ADGRF1: variants seen among roughly 807,000 people sequenced by gnomAD.
ADGRF1 encodes the protein G protein-coupled receptor 110.
Under a neutral mutation model 87.2 loss-of-function variants are expected in ADGRF1, and 85 were observed. That is an observed-to-expected ratio of 0.97 (90% confidence interval 0.82 to 1.17). The LOEUF is 1.17. Ranked by LOEUF, ADGRF1 falls within the 50% of genes most tolerant of loss-of-function variation. The probability of loss-of-function intolerance (pLI) is 0.00; values close to 1 mark genes in which losing one functional copy is unlikely to be tolerated. For missense variants in ADGRF1, 1,169 were observed against 1,077.2 expected (o/e 1.09, Z -1.19); for synonymous variants, 430 against 408.8 (o/e 1.05, Z -0.63).
At chr6:47,027,934 G>A (rs1178067881) in intron 2 of ADGRF1, among the ~76,000 whole-genome samples, 173 bp from the exon 3 acceptor site, 1 of 152,140 alleles carries the variant, frequency 6.6e-6, no homozygotes, top group South Asian at 2.1e-4. Context: ...AACACCTGAA[G>A]AGTAAGAATA....
At chr6:47,008,727 C>T (rs1779601479) in intron 11 of ADGRF1, among the ~76,000 whole-genome samples, 1 of 152,194 alleles carries the variant, frequency 6.6e-6, no homozygotes, top group Admixed American at 6.5e-5. Flanking sequence ...ATTTAAAGCC[C>T]TGTAGTGGGT....
At chr6:47,033,328 G>A (rs1780489545) in intron 1 of ADGRF1, among the ~76,000 whole-genome samples, 1 of 152,220 alleles carries the variant, frequency 6.6e-6, no homozygotes, top group Admixed American at 6.5e-5. Context: ...CTCTGGAGAG[G>A]GCTGGCTGTT....
chr6:47,029,550 G>T (rs1780347046), intron 1 of ADGRF1, among the ~76,000 whole-genome samples: 1 of 152,076 alleles, frequency 6.6e-6, no homozygotes, highest in Non-Finnish European at 1.5e-5. Context: ...AATCAATCCA[G>T]AAAATTTCCT....
At chr6:47,007,660 G>A (rs915473406) in intron 11 of ADGRF1, among the ~76,000 whole-genome samples, 6 of 152,154 alleles carry the variant, frequency 3.9e-5, no homozygotes, top group Non-Finnish European at 5.9e-5. Flanking sequence ...CATCTATGAC[G>A]GCAGCAGGCA....
intron 7 of ADGRF1, chr6:47,018,569 G>A: frequency 4.7e-6 from 6 of 1,289,234 alleles, no homozygotes; most frequent in Non-Finnish European, 5.1e-6. Flanking sequence ...AGGTTCCACA[G>A]GTGTATAACT....
At position 47,028,973 on chromosome 6, in the gene ADGRF1, G is replaced by C; in HGVS notation, c.69+20C>G. The stretch of plus-strand genomic sequence containing the variant: ...AGGAGAGTTAGTTGAGAAGAGATAT[G>C]AGACATAGCACCAACTCACCCCCAG... On this transcript the variant is annotated intron_variant, in intron 2 of 14. Coordinates refer to ENST00000371253, the MANE Select transcript of ADGRF1 (RefSeq NM_153840.4). 6.2e-7 allele frequency: 1 copy of C among 1,603,680 alleles called. No homozygotes were observed. Among genetic ancestry groups the C allele is most frequent in the Non-Finnish European group, 8.5e-7 (1 of 1,170,566 alleles).
intron 8 of ADGRF1, among the ~76,000 whole-genome samples, chr6:47,015,650 T>C (rs1166043431): frequency 6.6e-6 from 1 of 151,736 alleles, no homozygotes; most frequent in East Asian, 1.9e-4. Context: ...TTAAGTGGAG[T>C]GATCTCGGCT....
In ADGRF1 at chr6:47,000,077, G is replaced by T; in HGVS notation, c.*145C>A. 1.6e-6 allele frequency: 1 copy of T among 608,498 alleles called. No homozygotes were observed. 37.7% of individuals were successfully genotyped at this position (608,498 alleles called of 1,614,324 possible). On this transcript the variant is annotated 3_prime_UTR_variant, in exon 15 of 15. Coordinates refer to ENST00000371253, the MANE Select transcript of ADGRF1 (RefSeq NM_153840.4). ...ATTGAAGACAAAAGGGAGCAGTAAT[G>T]AAGCCACTGAGACATTCTTGTTTTA...
At chr6:47,026,430 A>C (rs1780237719) in intron 3 of ADGRF1, among the ~76,000 whole-genome samples, 1 of 148,638 alleles carries the variant, frequency 6.7e-6, no homozygotes, top group African/African-American at 2.5e-5. Flanking sequence ...CCTCAATCTC[A>C]CACTTACAAA....
At chr6:47,022,181 C>G (rs1780079008) in intron 5 of ADGRF1, 123 bp from the exon 6 acceptor site, 1 of 597,232 alleles carries the variant, frequency 1.7e-6, no homozygotes, top group Admixed American at 3.6e-5. Flanking sequence ...AAATTTTTTT[C>G]ATAAGAAATG....
At chr6:47,001,931 C>T (rs929536815) in intron 13 of ADGRF1, 5 of 204,554 alleles carry the variant, frequency 2.4e-5, no homozygotes. Context: ...AAAAACAGTG[C>T]TCTGACTAAA....
intron 1 of ADGRF1, among the ~76,000 whole-genome samples, chr6:47,034,175 G>A (rs1230602288): frequency 6.6e-6 from 1 of 152,166 alleles, no homozygotes; most frequent in Non-Finnish European, 1.5e-5. Context: ...CCTTTATACA[G>A]TAAGAGGAAA....
At chr6:47,005,181 T>G (rs1029237003) in intron 13 of ADGRF1, among the ~76,000 whole-genome samples, 1 of 152,164 alleles carries the variant, frequency 6.6e-6, no homozygotes, top group Non-Finnish European at 1.5e-5. Flanking sequence ...ACACAAAATA[T>G]GTGTTCAAGC....
intron 11 of ADGRF1, 118 bp from the exon 12 acceptor site, chr6:47,007,412 T>G: frequency 1.7e-6 from 1 of 598,796 alleles, no homozygotes; most frequent in Non-Finnish European, 2.9e-6. Flanking sequence ...GTCTGTCTCC[T>G]TAAGAGACTG....
chr6:47,011,655 G>A (rs1326606299), intron 10 of ADGRF1, among the ~76,000 whole-genome samples: 3 of 152,190 alleles, frequency 2.0e-5, no homozygotes, highest in African/African-American at 7.2e-5. Context: ...TATGAAGGGA[G>A]TTCTTAAAAT....
intron 1 of ADGRF1, among the ~76,000 whole-genome samples, chr6:47,033,097 G>A (rs1780479976): frequency 6.6e-6 from 1 of 152,228 alleles, no homozygotes; most frequent in Admixed American, 6.5e-5. Flanking sequence ...CCACAGATGA[G>A]GAGCTGTTGT....
At chr6:47,013,831 G>T in intron 9 of ADGRF1, 1 of 174,720 alleles carries the variant, frequency 5.7e-6, no homozygotes, top group Non-Finnish European at 1.1e-5. Context: ...AGATCTGGTT[G>T]TTTAAAAGTG....
intron 10 of ADGRF1, 52 bp downstream of exon 10, chr6:47,011,955 C>T: frequency 6.6e-7 from 1 of 1,524,088 alleles, no homozygotes; most frequent in Non-Finnish European, 9.0e-7. Flanking sequence ...TGTCATTCCT[C>T]CTACAGGATC....
chr6:47,027,914 CT>C (rs1033082704), intron 2 of ADGRF1, among the ~76,000 whole-genome samples, 153 bp from the exon 3 acceptor site: 3 of 152,042 alleles, frequency 2.0e-5, no homozygotes, highest in African/African-American at 7.2e-5. Context: ...ACTGGAGCAA[CT>C]TTTAAGCAAA....
Sources: allele counts gnomAD v4.1 joint callset (sites outside exome capture counted in the v4.1 genomes callset), GRCh38; gene constraint gnomAD v4.1.1; transcripts MANE v1.5; gene names NCBI Gene and HGNC (gene_info 2026-07-23, HGNC 2026-07-21).